The following CCNH variants were observed in gnomAD, a reference collection of about 807,000 sequenced individuals.
The protein encoded by CCNH is cyclin H.
A neutral mutation model predicts 41.9 loss-of-function variants in CCNH; 31 were observed. The observed-to-expected ratio is 0.74, with a 90% CI of 0.56 to 1.00. CCNH has a LOEUF of 1.00. Among genes scored for constraint, CCNH ranks in the 50% least tolerant of loss-of-function variants. The pLI is 0.00. For missense variants in CCNH, 362 were observed against 388.4 expected (o/e 0.93, Z 0.57); for synonymous variants, 138 against 136.1 (o/e 1.01, Z -0.10).
chr5:87,327,450 A>G (rs1757309871), intron 9 of CCNH, among the ~76,000 whole-genome samples: 1 of 152,218 alleles, frequency 6.6e-6, no homozygotes, highest in East Asian at 1.9e-4. Flanking sequence ...GTAACGACAT[A>G]AAAAATGTAA....
intron 9 of CCNH, among the ~76,000 whole-genome samples, chr5:87,384,954 C>T (rs1761967030): frequency 6.6e-6 from 1 of 151,974 alleles, no homozygotes; most frequent in African/African-American, 2.4e-5. Flanking sequence ...TGTGAACTGT[C>T]ATAAAAGATG....
chr5:87,367,117 C>T (rs1211533998), intron 9 of CCNH, among the ~76,000 whole-genome samples: 2 of 152,026 alleles, frequency 1.3e-5, no homozygotes, highest in African/African-American at 4.8e-5. Context: ...AAAGTGCCTT[C>T]CTGTGAAATA....
chr5:87,346,003 A>C lies in CCNH; in HGVS notation c.*91-27106T>G, dbSNP rs16902629. ...ATCCTTTTATTTGAAGGTAAAATTT[A>C]AATACTTAGGTTATTGTATGCTCTA... On this transcript the variant is annotated intron_variant and NMD_transcript_variant, in intron 9 of 9. Transcript: ENST00000645953. 4.2e-4 allele frequency among the ~76,000 whole-genome samples: 64 copies of C among 152,278 alleles called. 1 individual carries two copies. In the East Asian group the frequency reaches 9.6e-3, roughly 23 times the overall value.
chr5:87,363,261 T>G, intron 9 of CCNH: 1 of 1,209,116 alleles, frequency 8.3e-7, no homozygotes, highest in African/African-American at 1.5e-5. Flanking sequence ...AATTGATTGA[T>G]TCATATTTTT....
At chr5:87,374,318 T>C, downstream of CCNH, 1 of 1,603,146 alleles carries the variant, frequency 6.2e-7, no homozygotes, top group Non-Finnish European at 8.5e-7. Context: ...AGTTTGTCTT[T>C]GAGTAAGTCT....
At chr5:87,370,667 A>T (rs1278057886) in intron 9 of CCNH, among the ~76,000 whole-genome samples, 1 of 152,060 alleles carries the variant, frequency 6.6e-6, no homozygotes, top group Admixed American at 6.6e-5. Context: ...CTCTTAAAAA[A>T]TTTTTTTGCT....
chr5:87,361,307 A>C (rs1046406083), intron 9 of CCNH, among the ~76,000 whole-genome samples: 5 of 152,114 alleles, frequency 3.3e-5, no homozygotes, highest in African/African-American at 9.7e-5. Flanking sequence ...TCATTCTTCT[A>C]TTTTCTTATT....
chr5:87,323,806 C>T (rs1007010228), intron 9 of CCNH, among the ~76,000 whole-genome samples: 3 of 151,868 alleles, frequency 2.0e-5, no homozygotes, highest in Admixed American at 2.0e-4. Context: ...AGTCAGTTGC[C>T]ATTCATCTTT....
chr5:87,395,651 C>T (rs993404815), intron 7 of CCNH, among the ~76,000 whole-genome samples: 8 of 152,148 alleles, frequency 5.3e-5, no homozygotes, highest in African/African-American at 1.2e-4. Flanking sequence ...GGCGTCAGAT[C>T]GCCTGAGCCC....
chr5:87,394,822 C>T, intron 8 of CCNH: 1 of 1,360,014 alleles, frequency 7.4e-7, no homozygotes, highest in Non-Finnish European at 9.4e-7. Flanking sequence ...ATTGCTTCTG[C>T]TTTCTATGAA....
intron 2 of CCNH, among the ~76,000 whole-genome samples, chr5:87,410,654 T>C (rs1287722927): frequency 6.6e-6 from 1 of 152,184 alleles, no homozygotes; most frequent in Non-Finnish European, 1.5e-5. Flanking sequence ...TTTTTTATCT[T>C]TCTGCTTTTT....
At chr5:87,383,661 A>G in intron 9 of CCNH, 4 of 1,349,382 alleles carry the variant, frequency 3.0e-6, no homozygotes, top group South Asian at 1.3e-5. Flanking sequence ...AATGTAACAC[A>G]TTATATAGGT....
chr5:87,392,736 GTC>G (rs1762610358), downstream of CCNH: 1 of 161,470 alleles, frequency 6.2e-6, no homozygotes, highest in South Asian at 1.6e-4. Context: ...AACATCATTT[GTC>G]TCTCAAGTTG....
Position 87,363,429 on chromosome 5 carries a change from G to A in CCNH, c.*90+29341C>T, listed in dbSNP as rs1760264098. On this transcript the variant is annotated intron_variant and NMD_transcript_variant, in intron 9 of 9. Coordinates refer to the CCNH transcript ENST00000645953. ...CTTATTTATTTTGAAAGCGAAAAAC[G>A]AGCTACCAAACCAAAAGGATTAATA... 4 of 1,611,122 alleles carry A rather than the reference G, an allele frequency of 2.5e-6. No homozygotes were observed. Among genetic ancestry groups the A allele is most frequent in the South Asian group, 1.1e-5 (1 of 91,014 alleles).
downstream of CCNH, chr5:87,372,071 C>T: frequency 1.3e-6 from 2 of 1,530,952 alleles, no homozygotes; most frequent in Non-Finnish European, 1.8e-6. Flanking sequence ...ATTTGGAAGC[C>T]AAATAAACTA....
intron 9 of CCNH, among the ~76,000 whole-genome samples, chr5:87,319,198 T>TG (rs1176120466): frequency 9.9e-5 from 15 of 152,242 alleles, no homozygotes; most frequent in African/African-American, 3.4e-4. Context: ...ATTGAGTGCC[T>TG]GCAACTTTTG....
chr5:87,348,114 G>A lies in CCNH; in HGVS notation c.*91-29217C>T, dbSNP rs544755288. 2.0e-5 allele frequency among the ~76,000 whole-genome samples: 3 copies of A among 152,020 alleles called. No individual in the cohort carries two copies. In the South Asian group the frequency reaches 6.2e-4, roughly 31 times the overall value. The stretch of plus-strand genomic sequence containing the variant: ...TGGATTCTTGTCAGTAAGATTTGTT[G>A]TATCAACTTAGAAACACTTTCATTT... On this transcript the variant is annotated intron_variant and NMD_transcript_variant, in intron 9 of 9. Coordinates refer to the CCNH transcript ENST00000645953.
downstream of CCNH, chr5:87,391,186 A>AACTTTCAAAATATATTTTCAGTAC: frequency 2.0e-6 from 1 of 488,216 alleles, no homozygotes; most frequent in South Asian, 2.6e-5. Flanking sequence ...TGATATCTCG[A>AACTTTCAAAATATATTTTCAGTAC]ACTTTCAAAA....
chr5:87,410,669 T>G (rs944881071), intron 2 of CCNH, among the ~76,000 whole-genome samples: 5 of 152,158 alleles, frequency 3.3e-5, no homozygotes, highest in Non-Finnish European at 5.9e-5. Flanking sequence ...CTTTTTAATC[T>G]CAGCTACCTG....
Sources: gnomAD v4.1 joint callset for allele counts (sites outside exome capture counted in the v4.1 genomes callset) on GRCh38, gnomAD v4.1.1 for gene constraint, MANE v1.5 for transcripts, NCBI Gene and HGNC (gene_info 2026-07-23, HGNC 2026-07-21) for gene names.